Variants in DPYD observed in about 807,000 individuals in gnomAD.
The protein encoded by DPYD is dihydropyrimidine dehydrogenase, also known as dihydropyrimidine dehydrogenase [NADP(+)].
A neutral mutation model predicts 116.2 loss-of-function variants in DPYD; 109 were observed. The observed-to-expected ratio is 0.94, with a 90% CI of 0.80 to 1.10. The LOEUF is 1.10. Among genes scored for constraint, DPYD ranks in the 50% least tolerant of loss-of-function variants. The pLI is 0.00. For synonymous variants in DPYD, 440 were observed against 432.0 expected (o/e 1.02, Z -0.23); for missense variants, 1,302 against 1,254.5 (o/e 1.04, Z -0.57).
chr1:97,635,522 T>C (rs1256530593), intron 8 of DPYD, among the ~76,000 whole-genome samples: 1 of 152,206 alleles, frequency 6.6e-6, no homozygotes, highest in Non-Finnish European at 1.5e-5. Flanking sequence ...CTTGCCTAAA[T>C]AATGAATTTA....
chr1:97,275,364 G>T (rs1557991562), intron 18 of DPYD, among the ~76,000 whole-genome samples: 2 of 152,120 alleles, frequency 1.3e-5, no homozygotes, highest in Non-Finnish European at 2.9e-5. Context: ...TTGCTCCTTT[G>T]ACAGGTACCA....
intron 5 of DPYD, among the ~76,000 whole-genome samples, chr1:97,703,348 G>C (rs1661717071): frequency 6.6e-6 from 1 of 151,946 alleles, no homozygotes; most frequent in South Asian, 2.1e-4. Context: ...GTATAGAATT[G>C]AACAAGTCCT....
chr1:97,465,680 T>C (rs900938155), intron 13 of DPYD, among the ~76,000 whole-genome samples: 1 of 152,162 alleles, frequency 6.6e-6, no homozygotes, highest in South Asian at 2.1e-4. Flanking sequence ...TTGTGAAGCC[T>C]CCCCAGATAT....
chr1:97,346,658 T>G (rs1371549348), intron 16 of DPYD, among the ~76,000 whole-genome samples: 1 of 151,924 alleles, frequency 6.6e-6, no homozygotes, highest in Non-Finnish European at 1.5e-5. Context: ...TTGATTTTTA[T>G]GTATAGATAA....
chr1:97,436,904 C>A (rs1675501026), intron 14 of DPYD, among the ~76,000 whole-genome samples: 1 of 151,594 alleles, frequency 6.6e-6, no homozygotes, highest in African/African-American at 2.4e-5. Flanking sequence ...TTCAACTCAA[C>A]CTAAAAGTAA....
At chr1:97,827,677 T>A (rs184726874) in intron 3 of DPYD, among the ~76,000 whole-genome samples, 59 of 152,070 alleles carry the variant, frequency 3.9e-4, no homozygotes, top group Non-Finnish European at 6.8e-4. Flanking sequence ...AAAAATACTA[T>A]AATATAATAT....
intron 13 of DPYD, among the ~76,000 whole-genome samples, chr1:97,506,879 GA>G (rs1647375674): frequency 6.6e-6 from 1 of 151,972 alleles, no homozygotes; most frequent in South Asian, 2.1e-4. Flanking sequence ...TTACTTAACA[GA>G]CTAAGTCTGG....
At chr1:97,484,536 C>T (rs1678509391) in intron 13 of DPYD, among the ~76,000 whole-genome samples, 1 of 152,092 alleles carries the variant, frequency 6.6e-6, no homozygotes, top group Non-Finnish European at 1.5e-5. Context: ...CCATGTTCTT[C>T]ATTTCTGGGG....
Position 97,089,955 on chromosome 1 carries a change from T to A in DPYD, c.2767-7485A>T, listed in dbSNP as rs887261658. On this transcript the variant is annotated intron_variant, in intron 21 of 22. Coordinates refer to ENST00000370192, the MANE Select transcript of DPYD (RefSeq NM_000110.4). ...TAACACTGGGCATAACCATGCTTGATGTTCAAATGAAATTCATAGCAGTTT... is the reference window on the plus strand; with the variant it reads ...TAACACTGGGCATAACCATGCTTGAAGTTCAAATGAAATTCATAGCAGTTT... Among the ~76,000 whole-genome samples the A allele has an allele frequency of 5.3e-5, 8 of 152,164 alleles. No homozygotes were observed. The East Asian group carries it at 1.6e-3, about 30-fold the overall frequency.
At chr1:97,354,664 T>C (rs1670331648) in intron 16 of DPYD, among the ~76,000 whole-genome samples, 1 of 152,152 alleles carries the variant, frequency 6.6e-6, no homozygotes, top group African/African-American at 2.4e-5. Context: ...TAATTTGAAA[T>C]GTAAGTTCTC....
intron 13 of DPYD, among the ~76,000 whole-genome samples, chr1:97,461,449 C>T (rs1029069077): frequency 2.6e-5 from 4 of 152,080 alleles, no homozygotes; most frequent in Non-Finnish European, 4.4e-5. Flanking sequence ...AAAGTCATTT[C>T]GGGCAACACA....
chr1:97,465,748 G>A (rs1031907569), intron 13 of DPYD, among the ~76,000 whole-genome samples: 2 of 152,162 alleles, frequency 1.3e-5, no homozygotes, highest in African/African-American at 4.8e-5. Flanking sequence ...TCCCGGGTAT[G>A]TCTTTATTAG....
intron 19 of DPYD, among the ~76,000 whole-genome samples, chr1:97,213,229 C>A (rs2101875566): frequency 6.6e-6 from 1 of 152,174 alleles, no homozygotes. Flanking sequence ...TGGGGGGACA[C>A]AAACATTCAA....
chr1:97,646,883 G>GT (rs1333927069), intron 8 of DPYD, among the ~76,000 whole-genome samples: 2 of 152,108 alleles, frequency 1.3e-5, no homozygotes, highest in South Asian at 4.1e-4. Context: ...CACCTACTCT[G>GT]TTTTTCTGAA....
At chr1:97,602,112 A>G (rs2811200) in intron 8 of DPYD, among the ~76,000 whole-genome samples, 20,786 of 151,952 alleles carry the variant, frequency 0.14, 1,651 homozygotes, top group African/African-American at 0.2. Flanking sequence ...GCACATAACA[A>G]TAAGTCCAGA....
At chr1:97,748,635 T>C (rs1310807432) in intron 3 of DPYD, among the ~76,000 whole-genome samples, 2 of 152,068 alleles carry the variant, frequency 1.3e-5, no homozygotes, top group East Asian at 3.9e-4. Flanking sequence ...CAAAAGACTA[T>C]AATTCATCTT....
chr1:97,079,452 G>T (rs973257937), intron 22 of DPYD, among the ~76,000 whole-genome samples: 1 of 152,084 alleles, frequency 6.6e-6, no homozygotes, highest in Non-Finnish European at 1.5e-5. Flanking sequence ...CAGAGTTCGG[G>T]TCTTTCCAGT....
At chr1:97,813,210 A>G (rs1335557907) in intron 3 of DPYD, among the ~76,000 whole-genome samples, 1 of 152,104 alleles carries the variant, frequency 6.6e-6, no homozygotes, top group African/African-American at 2.4e-5. Flanking sequence ...ACAGGAAGAA[A>G]ATTCTTATCA....
At chr1:97,563,039 G>C (rs1415443272) in intron 11 of DPYD, among the ~76,000 whole-genome samples, 1 of 152,076 alleles carries the variant, frequency 6.6e-6, no homozygotes, top group Non-Finnish European at 1.5e-5. Flanking sequence ...TTTAACCAGA[G>C]TATTTTAGAT....
Sources: allele counts gnomAD v4.1 joint callset (sites outside exome capture counted in the v4.1 genomes callset), GRCh38; gene constraint gnomAD v4.1.1; transcripts MANE v1.5; gene names NCBI Gene and HGNC (gene_info 2026-07-23, HGNC 2026-07-21).